ANKRD12: variants seen among roughly 807,000 people sequenced by gnomAD.
ANKRD12 encodes ankyrin repeat domain 12.
In ANKRD12, 85 loss-of-function variants were observed where a neutral mutation model predicts 183.4. The observed-to-expected ratio is 0.46, with a 90% CI of 0.39 to 0.56. ANKRD12 has a LOEUF of 0.56. Ranked by LOEUF, ANKRD12 falls within the 20% of genes least tolerant of loss-of-function variation. The pLI, the probability that ANKRD12 is intolerant of heterozygous loss-of-function variation, is 0.00. For missense variants in ANKRD12, 2,405 were observed against 2,357.1 expected (o/e 1.02, Z -0.42); for synonymous variants, 914 against 800.2 (o/e 1.14, Z -2.40).
intron 3 of ANKRD12, among the ~76,000 whole-genome samples, chr18:9,199,573 C>T (rs933751701): frequency 6.6e-6 from 1 of 152,056 alleles, no homozygotes; most frequent in Non-Finnish European, 1.5e-5. Flanking sequence ...CATCTTATCT[C>T]TAGCAAGGGA....
intron 8 of ANKRD12, among the ~76,000 whole-genome samples, chr18:9,237,571 C>T (rs1027327084): frequency 1.3e-5 from 2 of 152,150 alleles, no homozygotes; most frequent in African/African-American, 4.8e-5. Flanking sequence ...AAAAGCATGT[C>T]AGTGCTGTGC....
intron 1 of ANKRD12, among the ~76,000 whole-genome samples, chr18:9,163,199 A>C (rs2031652272): frequency 6.6e-6 from 1 of 152,174 alleles, no homozygotes; most frequent in Non-Finnish European, 1.5e-5. Flanking sequence ...TCTTTAATCC[A>C]TCTTGAGATA....
intron 8 of ANKRD12, among the ~76,000 whole-genome samples, chr18:9,222,983 A>ACAGAC (rs1239885910): frequency 6.6e-6 from 1 of 152,272 alleles, no homozygotes; most frequent in Non-Finnish European, 1.5e-5. Context: ...CAAGATGATT[A>ACAGAC]AATAACTGTG....
At chr18:9,176,832 T>A (rs939539719) in intron 1 of ANKRD12, among the ~76,000 whole-genome samples, 1 of 151,236 alleles carries the variant, frequency 6.6e-6, no homozygotes, top group African/African-American at 2.4e-5. Flanking sequence ...TTATGCCATT[T>A]AAAAAAAAAG....
At chr18:9,184,967 G>A (rs976358382) in intron 2 of ANKRD12, among the ~76,000 whole-genome samples, 6 of 152,108 alleles carry the variant, frequency 3.9e-5, no homozygotes, top group African/African-American at 1.4e-4. Context: ...CTGAGTGATG[G>A]GAGGAAAAAA....
At chr18:9,201,653 T>C (rs1038546107) in intron 3 of ANKRD12, among the ~76,000 whole-genome samples, 5 of 152,100 alleles carry the variant, frequency 3.3e-5, no homozygotes, top group African/African-American at 7.2e-5. Context: ...GGGGGACATG[T>C]TTTTCTTTAG....
chr18:9,188,521 A>G (rs1405653199), intron 2 of ANKRD12, among the ~76,000 whole-genome samples: 1 of 152,200 alleles, frequency 6.6e-6, no homozygotes, highest in Non-Finnish European at 1.5e-5. Flanking sequence ...TAATGGCACC[A>G]CCTACAGATA....
chr18:9,170,059 G>A lies in ANKRD12; in HGVS notation c.-51-12323G>A, dbSNP rs2032532595. ...ATTGGTCCCCACTCTCTTCCGGCTT[G>A]TAGAGTTTCTGCCGAGAGATCAGCT... On this transcript the variant is annotated intron_variant, in intron 1 of 12. Coordinates refer to ENST00000262126, the MANE Select transcript of ANKRD12 (RefSeq NM_015208.5). Among the ~76,000 whole-genome samples the A allele has an allele frequency of 2.6e-5, 4 of 152,246 alleles. No homozygotes were observed. In the South Asian group the frequency reaches 8.3e-4, roughly 31 times the overall value.
At chr18:9,146,744 C>A (rs936963724) in intron 1 of ANKRD12, among the ~76,000 whole-genome samples, 1 of 152,124 alleles carries the variant, frequency 6.6e-6, no homozygotes, top group African/African-American at 2.4e-5. Flanking sequence ...AGAAGAGCTA[C>A]CAGTGACATA....
rs1229661448 is a variant in ANKRD12 at position 9,256,402 on chromosome 18, A to G, written c.3135A>G (p.Leu1045=). The change falls in exon 9 of 13, where the codon CTA becomes CTG. Residue 1045 remains leucine (L), a synonymous_variant. Coordinates refer to ENST00000262126, the MANE Select transcript of ANKRD12 (RefSeq NM_015208.5). ...TTCAAATAAATAGCTTACTCAAACTAAAATCTGAAGCAGATAAGCCTAAAC... is the reference window on the plus strand; with the variant it reads ...TTCAAATAAATAGCTTACTCAAACTGAAATCTGAAGCAGATAAGCCTAAAC... ...DKIQINSLLK[L]KSEADKPKPK... is the part of the protein sequence containing the mutation. The G allele has an allele frequency of 6.2e-7, 1 of 1,610,130 alleles. No individual in the cohort carries two copies. Among genetic ancestry groups the G allele is most frequent in the Non-Finnish European group, 8.5e-7 (1 of 1,178,972 alleles).
Position 9,221,893 on chromosome 18 carries a change from A to G in ANKRD12, c.837A>G (p.Gln279=). ...LLLRHGGNPF[Q]ANKHGERPVD... The stretch of plus-strand genomic sequence containing the variant: ...TTCGTCACGGTGGAAATCCATTTCA[A>G]GCTAATAAACATGGGGAGCGTCCAG... The change falls in exon 8 of 13, where the codon CAA becomes CAG. Residue 279 remains glutamine, a synonymous_variant. Coordinates refer to ENST00000262126, the MANE Select transcript of ANKRD12 (RefSeq NM_015208.5). 1 of 1,614,016 alleles carries G rather than the reference A, an allele frequency of 6.2e-7. No homozygotes were observed. Among genetic ancestry groups the G allele is most frequent in the Non-Finnish European group, 8.5e-7 (1 of 1,179,930 alleles).
chr18:9,227,474 G>A (rs1056336775), intron 8 of ANKRD12, among the ~76,000 whole-genome samples: 11 of 152,134 alleles, frequency 7.2e-5, no homozygotes, highest in Non-Finnish European at 1.0e-4. Context: ...GTTTGAGCTT[G>A]GAATATCTTA....
chr18:9,217,370 A>G (rs1376437863), intron 7 of ANKRD12, among the ~76,000 whole-genome samples: 1 of 152,168 alleles, frequency 6.6e-6, no homozygotes, highest in Non-Finnish European at 1.5e-5. Flanking sequence ...CCGTTTCCTC[A>G]TCTTTAAATT....
intron 3 of ANKRD12, among the ~76,000 whole-genome samples, chr18:9,198,246 A>G (rs111255968): frequency 4.3e-4 from 66 of 152,336 alleles, no homozygotes; most frequent in African/African-American, 1.5e-3. Context: ...AAGATCTTCT[A>G]AGTGTGAAAA....
chr18:9,243,358 C>T (rs374120596), intron 8 of ANKRD12, among the ~76,000 whole-genome samples: 2 of 152,172 alleles, frequency 1.3e-5, no homozygotes, highest in South Asian at 2.1e-4. Flanking sequence ...AAGCCTCTCA[C>T]TCAGAGGAGA....
rs1230082033 is a variant in ANKRD12, at chr18:9,162,161, A to G, written c.-51-20221A>G. 3.3e-5 allele frequency among the ~76,000 whole-genome samples: 5 copies of G among 152,122 alleles called. No homozygotes were observed. The East Asian group carries it at 5.8e-4, about 18-fold the overall frequency. On this transcript the variant is annotated intron_variant, in intron 1 of 12. Coordinates refer to ENST00000262126, the MANE Select transcript of ANKRD12 (RefSeq NM_015208.5). ...CACCTTGGTATTAAGCCTAGCATCC[A>G]TTAGCTATTCTTCCTGATGCTATCC...
chr18:9,167,636 CTAGATACACAATCATGTCAT>C (rs2032222937), intron 1 of ANKRD12, among the ~76,000 whole-genome samples: 1 of 152,130 alleles, frequency 6.6e-6, no homozygotes, highest in African/African-American at 2.4e-5. Context: ...ATGGGGTTTT[CTAGATACACAATCATGTCAT>C]CTGCAAACAG....
intron 8 of ANKRD12, among the ~76,000 whole-genome samples, chr18:9,227,444 C>G (rs1415141113): frequency 1.3e-5 from 2 of 152,186 alleles, no homozygotes; most frequent in Non-Finnish European, 2.9e-5. Flanking sequence ...GAAGATGATT[C>G]CAGGTCTGGG....
intron 10 of ANKRD12, among the ~76,000 whole-genome samples, chr18:9,274,117 C>T (rs1049596017): frequency 3.3e-5 from 5 of 152,230 alleles, no homozygotes; most frequent in Non-Finnish European, 7.3e-5. Flanking sequence ...TTTCTTTCCT[C>T]CTGGTTTCAG....
Sources: gnomAD v4.1 joint callset for allele counts (sites outside exome capture counted in the v4.1 genomes callset) on GRCh38, gnomAD v4.1.1 for gene constraint, MANE v1.5 for transcripts, NCBI Gene and HGNC (gene_info 2026-07-23, HGNC 2026-07-21) for gene names.